Variants in NLK observed in about 807,000 individuals in gnomAD.
NLK encodes the protein nemo like kinase.
A neutral mutation model predicts 59.0 loss-of-function variants in NLK; 11 were observed. The ratio of observed to expected loss-of-function variants is 0.19; its 90% confidence interval spans 0.12 to 0.31. NLK has a LOEUF of 0.31. NLK is among the 10% of genes least tolerant of loss of function. NLK has a pLI of 1.00. For missense variants in NLK, 410 were observed against 661.1 expected, an observed-to-expected ratio of 0.62 and a Z score of 4.16; for synonymous variants, 235 against 235.9, an observed-to-expected ratio of 1.00 and a Z score of 0.03.
chr17:28,198,084 G>A (rs999186307), downstream of NLK, among the ~76,000 whole-genome samples: 1 of 152,124 alleles, frequency 6.6e-6, no homozygotes, highest in Non-Finnish European at 1.5e-5. Context: ...TTAAACTGGG[G>A]TACAGACACC....
intron 1 of NLK, among the ~76,000 whole-genome samples, chr17:28,064,390 C>G (rs759128242): frequency 6.6e-6 from 1 of 151,962 alleles, no homozygotes; most frequent in Non-Finnish European, 1.5e-5. Context: ...CTCAAGTGAT[C>G]CTCCTGCCTC....
downstream of NLK, among the ~76,000 whole-genome samples, chr17:28,198,367 A>G (rs1294166654): frequency 2.0e-5 from 3 of 152,104 alleles, no homozygotes; most frequent in Non-Finnish European, 4.4e-5. Flanking sequence ...TCTGTCACCC[A>G]GACTGGAGTG....
chr17:28,099,484 G>A (rs571819694), intron 1 of NLK, among the ~76,000 whole-genome samples: 1 of 149,406 alleles, frequency 6.7e-6, no homozygotes, highest in South Asian at 2.1e-4. Flanking sequence ...TGTCACTATA[G>A]TTTTGTCTTG....
At chr17:28,125,301 G>T (rs1442623458) in intron 2 of NLK, among the ~76,000 whole-genome samples, 2 of 152,152 alleles carry the variant, frequency 1.3e-5, no homozygotes, top group East Asian at 3.9e-4. Flanking sequence ...TTCTCATACA[G>T]TTTCTAAGAG....
intron 1 of NLK, among the ~76,000 whole-genome samples, chr17:28,122,390 G>C (rs1906103786): frequency 6.6e-6 from 1 of 150,956 alleles, no homozygotes; most frequent in Admixed American, 6.6e-5. Context: ...TTTTTTTAAA[G>C]CATGGCAGAT....
In NLK at chr17:28,191,043, A is replaced by T. The variant is rs1446300654; in HGVS notation, c.1259A>T (p.Asp420Val). Residue 420 changes from aspartate to valine, a missense_variant, in exon 9 of 11, where the codon GAT (aspartate) becomes GTT (valine). By Grantham distance (152) the Asp-to-Val change is radical. Coordinates refer to ENST00000407008, the MANE Select transcript of NLK (RefSeq NM_016231.5). ...FDPSKRISAK[D>V]ALAHPYLDEG... ...CAGTCCAAAAGAATATCCGCTAAGGATGCCTTAGCCCACCCCTACCTAGAT... is the reference window on the plus strand; with the variant it reads ...CAGTCCAAAAGAATATCCGCTAAGGTTGCCTTAGCCCACCCCTACCTAGAT... The T allele has an allele frequency of 1.9e-6, 3 of 1,603,390 alleles. No homozygotes were observed. Among genetic ancestry groups the T allele is most frequent in the Non-Finnish European group, 2.5e-6 (3 of 1,176,604 alleles).
chr17:28,122,878 C>A, intron 2 of NLK, 146 bp downstream of exon 2: 1 of 802,418 alleles, frequency 1.2e-6, no homozygotes, highest in Non-Finnish European at 2.0e-6. Flanking sequence ...AAGAAATAAG[C>A]GCACCAGTGA....
intron 3 of NLK, among the ~76,000 whole-genome samples, chr17:28,157,875 T>TA (rs1474135152): frequency 7.3e-5 from 11 of 151,120 alleles, no homozygotes; most frequent in African/African-American, 2.5e-4. Flanking sequence ...GTAGAGTACC[T>TA]ATACCTAGCA....
intron 8 of NLK, among the ~76,000 whole-genome samples, chr17:28,186,880 C>G (rs996204394): frequency 6.6e-6 from 1 of 152,202 alleles, no homozygotes; most frequent in East Asian, 1.9e-4. Context: ...AGTGGCAGTT[C>G]TTGCTCCCAC....
intron 1 of NLK, among the ~76,000 whole-genome samples, chr17:28,077,073 C>CTTTTTTTTTTTTTTTTTTTTTTTTTT (rs35639099): frequency 8.2e-4 from 35 of 42,504 alleles, no homozygotes; most frequent in South Asian, 1.2e-3. Context: ...CTCTTTCTTT[C>CTTTTTTTTTTTTTTTTTTTTTTTTTT]TTTTTTTTTT....
chr17:28,148,326 T>C (rs1907342108), intron 3 of NLK, among the ~76,000 whole-genome samples: 1 of 152,094 alleles, frequency 6.6e-6, no homozygotes, highest in South Asian at 2.1e-4. Context: ...TACATACGTA[T>C]GCACTAACTT....
intron 1 of NLK, among the ~76,000 whole-genome samples, chr17:28,057,177 A>C (rs1003864550): frequency 6.6e-6 from 1 of 151,106 alleles, no homozygotes; most frequent in African/African-American, 2.4e-5. Context: ...CTGGTCTCGA[A>C]CTCCTGATGT....
At position 28,126,912 on chromosome 17, in the gene NLK, G is replaced by T. The variant is rs180853157; in HGVS notation, c.588+4180G>T. On this transcript the variant is annotated intron_variant, in intron 2 of 10. Transcript: ENST00000407008. ...TACATGCATAGTTGTCATATGATCA[G>T]CAGGGAAAGTGATGATTTAGGTTTT... Among the ~76,000 whole-genome samples the T allele has an allele frequency of 3.6e-4, 55 of 152,280 alleles. 2 individuals carry two copies. In the East Asian group the frequency reaches 0.01, roughly 28 times the overall value.
In NLK at chr17:28,077,073, C is replaced by CTTTTTTTTTTTTTTTTTTTTTTTTT. The variant is rs35639099; in HGVS notation, c.458+33743_458+33767dup. Among the ~76,000 whole-genome samples the CTTTTTTTTTTTTTTTTTTTTTTTTT allele has an allele frequency of 8.7e-4, 37 of 42,496 alleles. 1 individual carries two copies. Among genetic ancestry groups the CTTTTTTTTTTTTTTTTTTTTTTTTT allele is most frequent in the South Asian group, 1.2e-3 (1 of 818 alleles). The allele number at this position is 42,496 out of a possible 152,430, so 27.9% of individuals were successfully genotyped here. ...CTTTGCTTTGTACTTCTCTTTCTTT[C>CTTTTTTTTTTTTTTTTTTTTTTTTT]TTTTTTTTTTTTTTTTTTTTTTTTT... On this transcript the variant is annotated intron_variant, in intron 1 of 10. Coordinates refer to ENST00000407008, the MANE Select transcript of NLK (RefSeq NM_016231.5).
downstream of NLK, among the ~76,000 whole-genome samples, chr17:28,197,730 T>G (rs897649257): frequency 4.6e-5 from 7 of 151,818 alleles, no homozygotes; most frequent in Admixed American, 2.6e-4. Context: ...GAATTTTTGT[T>G]TTTTTTTGTC....
intron 5 of NLK, among the ~76,000 whole-genome samples, 184 bp from the exon 6 acceptor site, chr17:28,168,264 A>C (rs1908323156): frequency 2.6e-5 from 4 of 151,714 alleles, no homozygotes; most frequent in Admixed American, 1.3e-4. Context: ...TGAACCCAGG[A>C]AGCAGAGGTT....
At chr17:28,169,721 CTTTTTTTTT>C in intron 6 of NLK, among the ~76,000 whole-genome samples, 1 of 111,608 alleles carries the variant, frequency 9.0e-6, no homozygotes, top group African/African-American at 3.4e-5. Flanking sequence ...GCTTCTTCTT[CTTTTTTTTT>C]TTTTTTTTTG....
intron 1 of NLK, among the ~76,000 whole-genome samples, chr17:28,103,244 T>C (rs1904962927): frequency 6.6e-6 from 1 of 152,220 alleles, no homozygotes; most frequent in South Asian, 2.1e-4. Flanking sequence ...TGTAGATTGT[T>C]CTCTGGAAGT....
intron 1 of NLK, among the ~76,000 whole-genome samples, chr17:28,115,273 C>G (rs1905714532): frequency 6.6e-6 from 1 of 152,212 alleles, no homozygotes; most frequent in Non-Finnish European, 1.5e-5. Context: ...CTACAACATT[C>G]TGTTGGCAGA....
Sources: gnomAD v4.1 joint callset for allele counts (sites outside exome capture counted in the v4.1 genomes callset) on GRCh38, gnomAD v4.1.1 for gene constraint, MANE v1.5 for transcripts, NCBI Gene and HGNC (gene_info 2026-07-23, HGNC 2026-07-21) for gene names.